Variants in ZNF675 observed in about 807,000 individuals in gnomAD.
The protein encoded by ZNF675 is TRAF6 inhibitory zinc finger.
Under a neutral mutation model 56.1 loss-of-function variants are expected in ZNF675, and 36 were observed. That is an observed-to-expected ratio of 0.64 (90% CI 0.49 to 0.85). The LOEUF (loss-of-function observed/expected upper bound fraction) is 0.85. Ranked by LOEUF, ZNF675 falls within the 40% of genes least tolerant of loss-of-function variation. ZNF675 has a pLI of 0.00. For synonymous variants in ZNF675, 200 were observed against 218.9 expected, an observed-to-expected ratio of 0.91 and a Z score of 0.76; for missense variants, 663 against 654.2, an observed-to-expected ratio of 1.01 and a Z score of -0.15.
intron 3 of ZNF675, chr19:23,656,770 G>A (rs1437700133): frequency 1.1e-4 from 1 of 9,328 alleles, no homozygotes; most frequent in Non-Finnish European, 1.1e-3. Context: ...CCACTTATGT[G>A]AGATATCTTA....
Position 23,654,082 on chromosome 19 carries a change from T to A in ZNF675, c.851A>T (p.Tyr284Phe). The change falls in exon 4 of 4, where the codon TAC (tyrosine) becomes TTC (phenylalanine). Residue 284 changes from tyrosine to phenylalanine, a missense_variant. By Grantham distance (22) the Tyr-to-Phe change is conservative. This residue lies in a region of ZNF675 where 617 missense variants were observed against 590.5 expected (regional missense o/e 1.04). Coordinates refer to ENST00000359788, the MANE Select transcript of ZNF675 (RefSeq NM_138330.3). ...HKIIHTGEKP[Y>F]KCEECGKAFN... ...GGCTTTGCCACATTCTTCACATTTG[T>A]AGGGTTTCTCTCCTGTATGAATTAT... 2 of 1,613,856 alleles carry A rather than the reference T, an allele frequency of 1.2e-6. No individual in the cohort carries two copies. The highest frequency in any genetic ancestry group is 2.2e-5 in the East Asian group (1 of 44,844).
chr19:23,685,183 G>A lies in ZNF675; in HGVS notation c.3+1848C>T, dbSNP rs965397481. 2.6e-5 allele frequency among the ~76,000 whole-genome samples: 4 copies of A among 152,094 alleles called. No individual in the cohort carries two copies. The East Asian group carries it at 5.8e-4, about 22-fold the overall frequency. ...TTTCACCATGTTAGTCAGGCTGGTC[G>A]CGAACTCCTGACCTCAGGTGATCCA... On this transcript the variant is annotated intron_variant, in intron 1 of 3. Transcript: ENST00000359788.
At chr19:23,669,659 G>A (rs2144938953) in intron 1 of ZNF675, among the ~76,000 whole-genome samples, 1 of 152,116 alleles carries the variant, frequency 6.6e-6, no homozygotes, top group South Asian at 2.1e-4. Flanking sequence ...AGATCATAAG[G>A]TCAGGAGTTC....
At chr19:23,669,816 G>A (rs1184959388) in intron 1 of ZNF675, among the ~76,000 whole-genome samples, 1 of 151,478 alleles carries the variant, frequency 6.6e-6, no homozygotes, top group Non-Finnish European at 1.5e-5. Flanking sequence ...TCATGCCACT[G>A]CACTCCAGCC....
At position 23,662,172 on chromosome 19, in the gene ZNF675, C is replaced by T. The variant is rs1188744846; in HGVS notation, c.168G>A (p.Leu56=). Residue 56 remains leucine, a synonymous_variant, in exon 3 of 4, where the codon CTG becomes CTA. Coordinates refer to ENST00000359788, the MANE Select transcript of ZNF675 (RefSeq NM_138330.3). ...CAGTCAAAGGCTCTTTTTCTTGCTCCAGACAGGTGATCAGGTCTTGCTTAG... is the reference window on the plus strand; with the variant it reads ...CAGTCAAAGGCTCTTTTTCTTGCTCTAGACAGGTGATCAGGTCTTGCTTAG... ...AVSKQDLITC[L]EQEKEPLTVK... The T allele has an allele frequency of 3.1e-6, 5 of 1,613,284 alleles. No homozygotes were observed. Among genetic ancestry groups the T allele is most frequent in the Non-Finnish European group, 3.4e-6 (4 of 1,179,758 alleles).
intron 1 of ZNF675, among the ~76,000 whole-genome samples, chr19:23,685,826 ATAGT>A (rs1041366600): frequency 1.5e-4 from 23 of 152,184 alleles, no homozygotes; most frequent in Admixed American, 1.3e-3. Flanking sequence ...ACTGCAAGTC[ATAGT>A]TAGTCTGGAG....
rs562013365 is a variant in ZNF675, at chr19:23,678,693, A to C, written c.3+8338T>G. 4.0e-4 allele frequency among the ~76,000 whole-genome samples: 60 copies of C among 149,212 alleles called. 1 individual carries two copies. The highest frequency in any genetic ancestry group is 7.8e-4 in the Non-Finnish European group (53 of 68,000). ...ACCCAACTTTATCTTACAAAGCTAC[A>C]GTAACCAAAGCAGCATGGTACTGGA... On this transcript the variant is annotated intron_variant, in intron 1 of 3. Transcript: ENST00000359788.
chr19:23,674,460 T>C lies in ZNF675; in HGVS notation c.4-11302A>G, dbSNP rs1037723161. The stretch of plus-strand genomic sequence containing the variant: ...GAGTTCAAGACCAGCCTGGCCAACA[T>C]GGGGAAACCACATCTCTACTAAAAG... On this transcript the variant is annotated intron_variant, in intron 1 of 3. Transcript: ENST00000359788. Among the ~76,000 whole-genome samples, 6 of 150,868 alleles carry C rather than the reference T, an allele frequency of 4.0e-5. 1 individual carries two copies. Among genetic ancestry groups the C allele is most frequent in the African/African-American group, 4.9e-5 (2 of 40,634 alleles).
intron 1 of ZNF675, among the ~76,000 whole-genome samples, chr19:23,684,131 G>A (rs890888219): frequency 4.0e-5 from 6 of 151,470 alleles, no homozygotes; most frequent in African/African-American, 7.3e-5. Flanking sequence ...GCGTGGTGGC[G>A]GGCACCTGTA....
At position 23,653,099 on chromosome 19, in the gene ZNF675, T is replaced by G. The variant is rs1967932020; in HGVS notation, c.*127A>C. 1 of 881,194 alleles carries G rather than the reference T, an allele frequency of 1.1e-6. No homozygotes were observed. Among genetic ancestry groups the G allele is most frequent in the Admixed American group, 3.1e-5 (1 of 32,190 alleles). The allele number at this position is 881,194 out of a possible 1,614,324, so 54.6% of individuals were successfully genotyped here. ...ACTTGTAGTTTTCTCCAGTATGAAT[T>G]ATCTTACATACAATGAAGTGTGAAA... On this transcript the variant is annotated 3_prime_UTR_variant, in exon 4 of 4. Transcript: ENST00000359788.
chr19:23,654,015 A>G lies in ZNF675; in HGVS notation c.918T>C (p.His306=). 1.9e-6 allele frequency: 3 copies of G among 1,613,834 alleles called. No individual in the cohort carries two copies. The highest frequency in any genetic ancestry group is 2.2e-5 in the East Asian group (1 of 44,838). ...FSNLTTHKKI[H]TGEQPYICEE... The stretch of plus-strand genomic sequence containing the variant: ...CACATATGTAGGGTTGCTCTCCAGT[A>G]TGAATTTTTTTATGTGTAGTAAGAT... Residue 306 remains histidine, a synonymous_variant, in exon 4 of 4, where the codon CAT becomes CAC. Coordinates refer to ENST00000359788, the MANE Select transcript of ZNF675 (RefSeq NM_138330.3).
At chr19:23,677,081 A>G (rs565160970) in intron 1 of ZNF675, among the ~76,000 whole-genome samples, 2 of 35,262 alleles carry the variant, frequency 5.7e-5, no homozygotes, top group South Asian at 3.3e-3. Flanking sequence ...TCTCAGAAAA[A>G]AAAAAAAAAG....
At chr19:23,668,852 G>A (rs756042613) in intron 1 of ZNF675, among the ~76,000 whole-genome samples, 2 of 152,176 alleles carry the variant, frequency 1.3e-5, no homozygotes, top group Non-Finnish European at 2.9e-5. Flanking sequence ...CGCCCACCCG[G>A]AACTCCAGCT....
chr19:23,655,835 C>A (rs11673226), intron 3 of ZNF675: 147,970 of 152,324 alleles, frequency 0.97, 72,035 homozygotes, highest in Middle Eastern at 1. Context: ...AGAATGCTGG[C>A]TGGGTGCATG....
At chr19:23,656,746 G>GT (rs58760663) in intron 3 of ZNF675, 147,833 of 152,158 alleles carry the variant, frequency 0.97, 71,978 homozygotes, top group Middle Eastern at 1. Context: ...TAACAAAATG[G>GT]ATACTATATG....
intron 3 of ZNF675, among the ~76,000 whole-genome samples, chr19:23,660,125 GT>G (rs1465728726): frequency 6.6e-6 from 1 of 152,148 alleles, no homozygotes; most frequent in African/African-American, 2.4e-5. Context: ...AACTACCCAA[GT>G]TTTTTAGGAC....
intron 1 of ZNF675, among the ~76,000 whole-genome samples, chr19:23,669,395 T>C (rs1968199490): frequency 6.6e-6 from 1 of 151,858 alleles, no homozygotes; most frequent in Admixed American, 6.6e-5. Context: ...CAACTAGCTA[T>C]GAACAGAAAA....
intron 1 of ZNF675, 24 bp from the exon 2 acceptor site, chr19:23,663,182 A>G: frequency 1.9e-6 from 3 of 1,589,808 alleles, no homozygotes; most frequent in African/African-American, 1.4e-5. Context: ...ACACACAAAC[A>G]TATTCACCAG....
chr19:23,671,472 T>C (rs1968225804), intron 1 of ZNF675, among the ~76,000 whole-genome samples: 1 of 152,062 alleles, frequency 6.6e-6, no homozygotes, highest in African/African-American at 2.4e-5. Flanking sequence ...GCAAGAAAAG[T>C]GGGCATTGGG....
Sources: gnomAD v4.1 joint callset for allele counts (sites outside exome capture counted in the v4.1 genomes callset) on GRCh38, gnomAD v4.1.1 for gene constraint, gnomAD v4.1.1 regional missense constraint, MANE v1.5 for transcripts, NCBI Gene and HGNC (gene_info 2026-07-23, HGNC 2026-07-21) for gene names.